Variants in CCDC102A observed in about 807,000 individuals in gnomAD.
The protein encoded by CCDC102A is coiled-coil domain-containing protein 102A.
CCDC102A carries 40 observed loss-of-function variants against 55.5 expected under a neutral mutation model. That is an observed-to-expected ratio of 0.72 (90% CI 0.56 to 0.94). The LOEUF is 0.94. CCDC102A is among the 40% of genes least tolerant of loss of function. CCDC102A has a pLI of 0.00. For synonymous variants in CCDC102A, 323 were observed against 339.0 expected, an observed-to-expected ratio of 0.95 and a Z score of 0.52; for missense variants, 779 against 768.6, an observed-to-expected ratio of 1.01 and a Z score of -0.16.
chr16:57,523,677 G>T (rs2032087943), intron 3 of CCDC102A, among the ~76,000 whole-genome samples: 1 of 151,750 alleles, frequency 6.6e-6, no homozygotes, highest in Non-Finnish European at 1.5e-5. Context: ...CAGGCACAAT[G>T]GCTCATGCCT....
chr16:57,531,266 G>A (rs2032255932), intron 1 of CCDC102A, among the ~76,000 whole-genome samples: 1 of 149,268 alleles, frequency 6.7e-6, no homozygotes, highest in South Asian at 2.2e-4. Flanking sequence ...GCTCCTCCGA[G>A]AGAAGGCACT....
chr16:57,521,157 T>C lies in CCDC102A; in HGVS notation c.832A>G (p.Arg278Gly), dbSNP rs140290061. Residue 278 changes from arginine to glycine, a missense_variant, in exon 4 of 9, where the codon AGG (arginine) becomes GGG (glycine). Coordinates refer to ENST00000258214, the MANE Select transcript of CCDC102A (RefSeq NM_033212.4). ...TCCCCCTCTAGCTTCTCAATGTTCC[T>C]GCTCAACGCCAGTTTATCCCTGGGG... ...KEREDKLALSRNIEKLEGELS... is the reference protein window; with the variant it reads ...KEREDKLALSGNIEKLEGELS... The C allele has an allele frequency of 1.9e-6, 3 of 1,613,242 alleles. No homozygotes were observed. Among genetic ancestry groups the C allele is most frequent in the African/African-American group, 1.3e-5 (1 of 75,010 alleles).
Position 57,528,599 on chromosome 16 carries a change from G to T in CCDC102A, c.579C>A (p.Gly193=). The change falls in exon 2 of 9, where the codon GGC becomes GGA. Residue 193 remains glycine (G), a synonymous_variant. Transcript: ENST00000258214. ...CCCCGCCCGCGCCGCGCACCTGGCT[G>T]CCTGGCGGCCTCTCGGACCCGACGT... is the stretch of plus-strand genomic sequence containing the variant. ...VRDVGSERPP[G]SQELELVESL... 1 of 1,260,780 alleles carries T rather than the reference G, an allele frequency of 7.9e-7. No homozygotes were observed. Among genetic ancestry groups the T allele is most frequent in the African/African-American group, 1.6e-5 (1 of 61,462 alleles). 78.1% of individuals were successfully genotyped at this position (1,260,780 alleles called of 1,614,324 possible).
chr16:57,533,548 C>A (rs1395616472), intron 1 of CCDC102A, among the ~76,000 whole-genome samples: 1 of 151,254 alleles, frequency 6.6e-6, no homozygotes, highest in African/African-American at 2.4e-5. Flanking sequence ...ACACACACAC[C>A]CCCAGGGACC....
chr16:57,533,557 CCT>C (rs2032312711), intron 1 of CCDC102A, among the ~76,000 whole-genome samples: 1 of 151,316 alleles, frequency 6.6e-6, no homozygotes, highest in Non-Finnish European at 1.5e-5. Context: ...CCCCCAGGGA[CCT>C]GCACTCACAC....
At chr16:57,520,339 C>A (rs1251497916) in intron 4 of CCDC102A, among the ~76,000 whole-genome samples, 1 of 152,096 alleles carries the variant, frequency 6.6e-6, no homozygotes, top group Non-Finnish European at 1.5e-5. Flanking sequence ...TCCTCTAGCC[C>A]CTTTAGGTCT....
chr16:57,512,920 C>T (rs1353491564), intron 8 of CCDC102A, 50 bp from the exon 9 acceptor site: 4 of 1,543,638 alleles, frequency 2.6e-6, no homozygotes, highest in Admixed American at 1.7e-5. Context: ...TGGTAGTCCC[C>T]CGATAAGGTG....
chr16:57,512,691 G>C lies in CCDC102A; in HGVS notation c.*50C>G. On this transcript the variant is annotated 3_prime_UTR_variant, in exon 9 of 9. Transcript: ENST00000258214. ...ATCAGTTTGAGTGGCTGGTTAGCCT[G>C]GACCCTGGGCAGGTATGGGGCGGCC... 6.3e-7 allele frequency: 1 copy of C among 1,578,074 alleles called. No individual in the cohort carries two copies. Among genetic ancestry groups the C allele is most frequent in the Non-Finnish European group, 8.6e-7 (1 of 1,161,060 alleles).
At chr16:57,536,175 C>G (rs1470709757) in intron 1 of CCDC102A, among the ~76,000 whole-genome samples, 1 of 152,140 alleles carries the variant, frequency 6.6e-6, no homozygotes, top group Non-Finnish European at 1.5e-5. Context: ...CGTTGGGTCC[C>G]CCGGGAGAGT....
At chr16:57,514,128 G>A (rs1206765658) in intron 8 of CCDC102A, among the ~76,000 whole-genome samples, 13 of 152,166 alleles carry the variant, frequency 8.5e-5, no homozygotes, top group Admixed American at 7.9e-4. Flanking sequence ...CCTCCGCAGC[G>A]GTAGTAGTAA....
chr16:57,526,166 A>C lies in CCDC102A; in HGVS notation c.586-39T>G, dbSNP rs935522578. ...GGTGGAGGCTGGACCAGTGGCCGCCAAGCCAGGCCCTGGGTCTGAGATCAG... is the reference window on the plus strand; with the variant it reads ...GGTGGAGGCTGGACCAGTGGCCGCCCAGCCAGGCCCTGGGTCTGAGATCAG... On this transcript the variant is annotated intron_variant, in intron 2 of 8. Transcript: ENST00000258214. 4.2e-6 allele frequency: 6 copies of C among 1,445,564 alleles called. No individual in the cohort carries two copies. In the African/African-American group the frequency reaches 5.7e-5, roughly 14 times the overall value. 89.5% of individuals were successfully genotyped at this position (1,445,564 alleles called of 1,614,324 possible). A position where few individuals can be genotyped will look rare whatever the true frequency, so the allele number is the denominator to read the frequency against.
At chr16:57,533,715 C>G (rs931794003) in intron 1 of CCDC102A, among the ~76,000 whole-genome samples, 1 of 151,810 alleles carries the variant, frequency 6.6e-6, no homozygotes, top group African/African-American at 2.4e-5. Context: ...CATACAGCCC[C>G]GGTAATGCAC....
At position 57,529,051 on chromosome 16, in the gene CCDC102A, G is replaced by T; in HGVS notation, c.127C>A (p.Pro43Thr). Residue 43 changes from proline to threonine, a missense_variant, in exon 2 of 9, where the codon CCC (proline) becomes ACC (threonine). Coordinates refer to ENST00000258214, the MANE Select transcript of CCDC102A (RefSeq NM_033212.4). This position sits in a 1 kb window ranked among gnomAD's most constrained non-coding sequence, Gnocchi z 4.1. ...GPADSLPPTP[P>T]SGTPSPGPPP... The stretch of plus-strand genomic sequence containing the variant: ...GGCCCGGGCGAGGGCGTGCCGCTGG[G>T]CGGCGTGGGCGGCAAGGAGTCGGCA... 8.8e-7 allele frequency: 1 copy of T among 1,130,812 alleles called. No homozygotes were observed. Among genetic ancestry groups the T allele is most frequent in the Middle Eastern group, 3.7e-4 (1 of 2,692 alleles). The allele number at this position is 1,130,812 out of a possible 1,614,324, so 70.0% of individuals were successfully genotyped here.
chr16:57,518,632 C>T lies in CCDC102A; in HGVS notation c.1031G>A (p.Arg344Lys), dbSNP rs1237755365. 6 of 1,613,252 alleles carry T rather than the reference C, an allele frequency of 3.7e-6. No homozygotes were observed. Among genetic ancestry groups the T allele is most frequent in the Admixed American group, 1.7e-5 (1 of 60,010 alleles). ...TCCCATCCATGGCCTCACCTCGCCCCTCAGCTCGGCCATTTTCCGGTCCAT... is the reference window on the plus strand; with the variant it reads ...TCCCATCCATGGCCTCACCTCGCCCTTCAGCTCGGCCATTTTCCGGTCCAT... ...SSMDRKMAELRGEMERLQAEN... is the reference protein window; with the variant it reads ...SSMDRKMAELKGEMERLQAEN... Residue 344 changes from arginine (R) to lysine (K), a missense_variant, in exon 5 of 9, where the codon AGG becomes AAG. Coordinates refer to ENST00000258214, the MANE Select transcript of CCDC102A (RefSeq NM_033212.4).
At chr16:57,536,457 G>C (rs1183287409) in intron 1 of CCDC102A, 43 bp downstream of exon 1, 2 of 152,354 alleles carry the variant, frequency 1.3e-5, no homozygotes, top group Non-Finnish European at 2.9e-5. Context: ...AAGTTCCCGG[G>C]CCGCCTTGGC....
At chr16:57,524,216 G>A (rs1386746348) in intron 3 of CCDC102A, among the ~76,000 whole-genome samples, 1 of 152,034 alleles carries the variant, frequency 6.6e-6, no homozygotes, top group Non-Finnish European at 1.5e-5. Flanking sequence ...ACAGCCCTTC[G>A]AGAAGAACAA....
intron 1 of CCDC102A, among the ~76,000 whole-genome samples, chr16:57,530,768 A>C (rs111380881): frequency 0.041 from 6,238 of 151,530 alleles, 420 homozygotes; most frequent in African/African-American, 0.14. Flanking sequence ...GTCTCCTGAC[A>C]CCTTCTTCTC....
intron 8 of CCDC102A, among the ~76,000 whole-genome samples, chr16:57,514,398 G>T (rs563691244): frequency 1.4e-4 from 22 of 152,234 alleles, no homozygotes; most frequent in African/African-American, 5.3e-4. Context: ...TGGGGGTCTT[G>T]CTTTGTTGCC....
chr16:57,518,039 A>G, intron 6 of CCDC102A, 29 bp downstream of exon 6: 3 of 1,567,294 alleles, frequency 1.9e-6, no homozygotes, highest in Non-Finnish European at 2.6e-6. Context: ...TGGCAGCCCC[A>G]GCACTGGCCA....
Sources: gnomAD v4.1 joint callset for allele counts (sites outside exome capture counted in the v4.1 genomes callset) on GRCh38, gnomAD v4.1.1 for gene constraint, Gnocchi (gnomAD v3.1) non-coding constraint, MANE v1.5 for transcripts, NCBI Gene and HGNC (gene_info 2026-07-23, HGNC 2026-07-21) for gene names.